Variants in SH3RF1 observed in about 807,000 individuals in gnomAD.
SH3RF1 encodes E3 ubiquitin-protein ligase SH3RF1.
SH3RF1 carries 32 observed loss-of-function variants against 74.0 expected under a neutral mutation model. The ratio of observed to expected loss-of-function variants is 0.43; its 90% confidence interval spans 0.33 to 0.58. The LOEUF (loss-of-function observed/expected upper bound fraction) is 0.58, where lower values mean the gene tolerates loss of function less well. SH3RF1 is among the 20% of genes least tolerant of loss of function. SH3RF1 has a pLI of 0.05. For synonymous variants in SH3RF1, 396 were observed against 439.6 expected (o/e 0.90, Z 1.24); for missense variants, 954 against 1,130.9 (o/e 0.84, Z 2.24).
At chr4:169,221,870 G>A (rs1370338735) in intron 2 of SH3RF1, among the ~76,000 whole-genome samples, 3 of 152,130 alleles carry the variant, frequency 2.0e-5, no homozygotes, top group African/African-American at 7.2e-5. Flanking sequence ...TACAAACAGT[G>A]AACTGCTAAG....
intron 5 of SH3RF1, among the ~76,000 whole-genome samples, chr4:169,133,092 T>C (rs1733644776): frequency 6.6e-6 from 1 of 152,156 alleles, no homozygotes; most frequent in Admixed American, 6.5e-5. Flanking sequence ...ACATCTCTAA[T>C]TGCCATATAG....
At chr4:169,238,870 C>T (rs1477332684) in intron 2 of SH3RF1, among the ~76,000 whole-genome samples, 1 of 152,072 alleles carries the variant, frequency 6.6e-6, no homozygotes, top group African/African-American at 2.4e-5. Context: ...TTGTAGCTTC[C>T]CCATCCTCTT....
intron 2 of SH3RF1, among the ~76,000 whole-genome samples, chr4:169,210,092 G>A (rs1730333821): frequency 6.6e-6 from 1 of 152,042 alleles, no homozygotes. Context: ...CACCATGCCT[G>A]GACTCTACAC....
intron 8 of SH3RF1, 31 bp downstream of exon 8, chr4:169,120,787 GA>G (rs762778939): frequency 1.2e-6 from 2 of 1,608,538 alleles, no homozygotes; most frequent in Non-Finnish European, 1.7e-6. Context: ...TCTCTGTTTA[GA>G]ACATAGTAAA....
chr4:169,227,587 C>G (rs1730670688), intron 2 of SH3RF1, among the ~76,000 whole-genome samples: 2 of 86,488 alleles, frequency 2.3e-5, no homozygotes, highest in Non-Finnish European at 4.9e-5. Flanking sequence ...CAACATTTGG[C>G]AGGGGTAGCT....
At chr4:169,133,501 T>C (rs923318928) in intron 5 of SH3RF1, among the ~76,000 whole-genome samples, 20 of 149,078 alleles carry the variant, frequency 1.3e-4, no homozygotes, top group Non-Finnish European at 1.9e-4. Flanking sequence ...AAAGAGGCTG[T>C]GCGTGGTGGC....
At position 169,122,172 on chromosome 4, in the gene SH3RF1, C is replaced by T. The variant is rs1561029420; in HGVS notation, c.1274G>A (p.Gly425Glu). The change falls in exon 7 of 12, where the codon GGA (glycine) becomes GAA (glutamate). Residue 425 changes from glycine (G) to glutamate (E), a missense_variant. Gly to Glu is a moderately conservative substitution (Grantham distance 98). Coordinates refer to ENST00000284637, the MANE Select transcript of SH3RF1 (RefSeq NM_020870.4). The part of the protein sequence containing the change: ...PGATAAAAAA[G>E]MGPRPMAGST... The stretch of plus-strand genomic sequence containing the variant: ...TCCTGCCATGGGCCTCGGTCCCATT[C>T]CAGCAGCAGCAGCAGCGGCGGTGGC... 1.2e-6 allele frequency: 2 copies of T among 1,613,346 alleles called. No homozygotes were observed. Among genetic ancestry groups the T allele is most frequent in the South Asian group, 2.2e-5 (2 of 90,984 alleles).
intron 4 of SH3RF1, among the ~76,000 whole-genome samples, chr4:169,140,956 A>AT (rs1476434727): frequency 1.4e-5 from 2 of 140,796 alleles, no homozygotes; most frequent in Non-Finnish European, 3.1e-5. Context: ...ACATTATGAG[A>AT]TTTTTTTTGA....
chr4:169,269,890 GAC>G (rs1731418105), intron 1 of SH3RF1: 1 of 152,194 alleles, frequency 6.6e-6, no homozygotes, highest in Admixed American at 6.5e-5. Flanking sequence ...AATTCTAAAA[GAC>G]ACAGATTTGC....
At chr4:169,228,047 T>C (rs1730678017) in intron 2 of SH3RF1, among the ~76,000 whole-genome samples, 1 of 152,210 alleles carries the variant, frequency 6.6e-6, no homozygotes, top group African/African-American at 2.4e-5. Context: ...CTATTTTTGT[T>C]CACGTAGTTA....
At position 169,269,083 on chromosome 4, in the gene SH3RF1, G is replaced by A; in HGVS notation, c.130C>T (p.Arg44Ter). 1 of 1,614,150 alleles carries A rather than the reference G, an allele frequency of 6.2e-7. No individual in the cohort carries two copies. The highest frequency in any genetic ancestry group is 8.5e-7 in the Non-Finnish European group (1 of 1,180,044). ...CACTCGGGACATCTGAGTTCATTTC[G>A]AGAACCTACGATCCCCAGCAAACAT... ...KRCLLGIVGS[R>*]NELRCPECRT... The change falls in exon 2 of 12, where the codon CGA becomes TGA. Residue 44 changes from arginine (R) to a stop codon, truncating the protein, a stop_gained. Coordinates refer to ENST00000284637, the MANE Select transcript of SH3RF1 (RefSeq NM_020870.4). LOFTEE classifies it high-confidence loss of function.
intron 6 of SH3RF1, among the ~76,000 whole-genome samples, chr4:169,124,001 C>T (rs921864274): frequency 1.3e-5 from 2 of 152,156 alleles, no homozygotes; most frequent in African/African-American, 2.4e-5. Context: ...AGGCTTCTTT[C>T]CAGTGACAAA....
chr4:169,131,147 T>G (rs1373238385), intron 5 of SH3RF1, among the ~76,000 whole-genome samples: 2 of 152,222 alleles, frequency 1.3e-5, no homozygotes, highest in African/African-American at 4.8e-5. Context: ...ATGGAAACTT[T>G]CAGTTTCCCA....
rs541204511 is a variant in SH3RF1 at position 169,224,740 on chromosome 4, G to C, written c.393+44080C>G. Among the ~76,000 whole-genome samples, 47 of 152,360 alleles carry C rather than the reference G, an allele frequency of 3.1e-4. No homozygotes were observed. The Middle Eastern group carries it at 0.014, about 44-fold the overall frequency. On this transcript the variant is annotated intron_variant, in intron 2 of 11. Coordinates refer to ENST00000284637, the MANE Select transcript of SH3RF1 (RefSeq NM_020870.4). ...TGCAGTAATGCAGGAGATTATGACA[G>C]CTTGGCTTGGGTAGGTGCTCAGATG... is the stretch of plus-strand genomic sequence containing the variant.
At chr4:169,204,050 C>T (rs1730177453) in intron 2 of SH3RF1, 1 of 152,144 alleles carries the variant, frequency 6.6e-6, no homozygotes, top group Non-Finnish European at 1.5e-5. Flanking sequence ...CTCTTCACTC[C>T]CTCTAACTCT....
At chr4:169,184,071 T>A (rs1337651090) in intron 2 of SH3RF1, among the ~76,000 whole-genome samples, 1 of 152,146 alleles carries the variant, frequency 6.6e-6, no homozygotes, top group Non-Finnish European at 1.5e-5. Context: ...CAAACAATCT[T>A]TGAGGACTAA....
intron 2 of SH3RF1, among the ~76,000 whole-genome samples, chr4:169,267,192 G>A (rs554995522): frequency 6.6e-6 from 1 of 152,310 alleles, no homozygotes; most frequent in East Asian, 1.9e-4. Flanking sequence ...ATTAAGTTGA[G>A]TGTTTGAGCC....
At chr4:169,222,938 AC>A (rs1383950029) in intron 2 of SH3RF1, among the ~76,000 whole-genome samples, 1 of 152,102 alleles carries the variant, frequency 6.6e-6, no homozygotes, top group African/African-American at 2.4e-5. Context: ...TGTGGACAGC[AC>A]CCCTGTCCTC....
intron 2 of SH3RF1, among the ~76,000 whole-genome samples, chr4:169,253,144 C>T (rs1040891489): frequency 2.0e-5 from 3 of 152,164 alleles, no homozygotes; most frequent in Non-Finnish European, 4.4e-5. Flanking sequence ...ACATAGAATT[C>T]CCACTTCTTA....
Sources: allele counts gnomAD v4.1 joint callset (sites outside exome capture counted in the v4.1 genomes callset), GRCh38; gene constraint gnomAD v4.1.1; transcripts MANE v1.5; gene names NCBI Gene and HGNC (gene_info 2026-07-23, HGNC 2026-07-21).